The following CSNK2A1 variants were observed in gnomAD, a reference collection of about 807,000 sequenced individuals.
CSNK2A1 encodes the protein casein kinase II subunit alpha.
Under a neutral mutation model 62.9 loss-of-function variants are expected in CSNK2A1, and 10 were observed. The observed-to-expected ratio is 0.16, with a 90% CI of 0.10 to 0.27. The LOEUF is 0.27. CSNK2A1 is among the 10% of genes least tolerant of loss of function. The probability of loss-of-function intolerance (pLI) is 1.00; values close to 1 mark genes in which losing one functional copy is unlikely to be tolerated. For synonymous variants in CSNK2A1, 124 were observed against 167.8 expected, an observed-to-expected ratio of 0.74 and a Z score of 2.02; for missense variants, 160 against 492.0, an observed-to-expected ratio of 0.33 and a Z score of 6.38.
chr20:518,189 A>G (rs2018866436), intron 2 of CSNK2A1, among the ~76,000 whole-genome samples: 1 of 152,220 alleles, frequency 6.6e-6, no homozygotes, highest in Admixed American at 6.5e-5. Flanking sequence ...AGAAAATGCA[A>G]ACCCAGAGAT....
chr20:527,005 G>C (rs6116418), intron 2 of CSNK2A1: 3,258 of 61,034 alleles, frequency 0.053, 27 homozygotes, highest in East Asian at 0.23. Context: ...GACAGACAGA[G>C]AGAGAGAGAG....
intron 2 of CSNK2A1, among the ~76,000 whole-genome samples, chr20:514,591 G>A (rs774081572): frequency 6.6e-6 from 1 of 151,714 alleles, no homozygotes; most frequent in Non-Finnish European, 1.5e-5. Flanking sequence ...ATAGCTATGC[G>A]CCATCAGGCC....
chr20:537,714 T>C (rs1358031084), intron 1 of CSNK2A1, among the ~76,000 whole-genome samples: 1 of 152,192 alleles, frequency 6.6e-6, no homozygotes, highest in Admixed American at 6.5e-5. Flanking sequence ...TCAAAGAAAT[T>C]CAGGTATAAG....
At chr20:524,862 T>A (rs1276511973) in intron 2 of CSNK2A1, among the ~76,000 whole-genome samples, 1 of 151,458 alleles carries the variant, frequency 6.6e-6, no homozygotes, top group Non-Finnish European at 1.5e-5. Context: ...AGCTCAGGGG[T>A]CCCTGCACTT....
rs2018412520 is a variant in CSNK2A1 at position 499,401 on chromosome 20, G to A, written c.316-96C>T. On this transcript the variant is annotated intron_variant, in intron 5 of 13. Coordinates refer to ENST00000217244, the MANE Select transcript of CSNK2A1 (RefSeq NM_177559.3). The surrounding 1 kb of genome is among the most constrained non-coding windows in gnomAD (Gnocchi z 4.2). ...TGCGGATGCTGCGTGGTGAAATTTG[G>A]CAGTCCTCGCCTCAGTAGTAAGAAA... The A allele has an allele frequency of 1.7e-6, 2 of 1,166,774 alleles. No individual in the cohort carries two copies. Among genetic ancestry groups the A allele is most frequent in the East Asian group, 2.5e-5 (1 of 40,628 alleles). 72.3% of individuals were successfully genotyped at this position (1,166,774 alleles called of 1,614,324 possible).
At chr20:541,453 A>G (rs1322350615) in intron 1 of CSNK2A1, among the ~76,000 whole-genome samples, 1 of 152,238 alleles carries the variant, frequency 6.6e-6, no homozygotes, top group Non-Finnish European at 1.5e-5. Flanking sequence ...AGTGTGAAGT[A>G]AAGATGTATA....
intron 9 of CSNK2A1, among the ~76,000 whole-genome samples, chr20:490,335 C>CTTTTTTTTTTTTTTTTTTTTTTTT (rs907727482): frequency 1.2e-5 from 1 of 84,798 alleles, no homozygotes; most frequent in African/African-American, 5.5e-5. Flanking sequence ...CTAGTTTTTT[C>CTTTTTTTTTTTTTTTTTTTTTTTT]TTTTTTTTTT....
At chr20:528,933 C>G (rs538087704) in intron 1 of CSNK2A1, among the ~76,000 whole-genome samples, 1 of 152,344 alleles carries the variant, frequency 6.6e-6, no homozygotes, top group African/African-American at 2.4e-5. Context: ...AACTGGTGAC[C>G]ACAAACACAG....
Position 479,261 on chromosome 20 carries a change from A to T in CSNK2A1, c.*4700T>A, listed in dbSNP as rs750675208. On this transcript the variant is annotated 3_prime_UTR_variant, in exon 14 of 14. Transcript: ENST00000217244. ...AACTGTACAATTTAGAAGAGAAACC[A>T]ACATTTGGTGTAACTCTACCATATA... The T allele has an allele frequency of 6.6e-6, 1 of 152,212 alleles. No individual in the cohort carries two copies. Among genetic ancestry groups the T allele is most frequent in the Non-Finnish European group, 1.5e-5 (1 of 68,044 alleles). The allele number at this position is 152,212 out of a possible 1,614,324, so 9.4% of individuals were successfully genotyped here. A position where few individuals can be genotyped will look rare whatever the true frequency, so the allele number is the denominator to read the frequency against.
chr20:485,109 A>ATATATATATAT (rs1366439608), intron 13 of CSNK2A1, among the ~76,000 whole-genome samples: 1 of 24,666 alleles, frequency 4.1e-5, no homozygotes, highest in African/African-American at 1.4e-4. Flanking sequence ...AAAAAAAAAA[A>ATATATATATAT]ATATATATAT....
intron 1 of CSNK2A1, among the ~76,000 whole-genome samples, chr20:530,845 G>A (rs2019197946): frequency 6.6e-6 from 1 of 152,142 alleles, no homozygotes; most frequent in Admixed American, 6.6e-5. Context: ...ACCAGTTTGG[G>A]AGGCTGAGGC....
intron 6 of CSNK2A1, 93 bp from the exon 7 acceptor site, chr20:497,873 A>C: frequency 1.2e-5 from 14 of 1,133,676 alleles, no homozygotes; most frequent in Non-Finnish European, 1.8e-5. Context: ...GACTTGGCTC[A>C]TTTACCGTTG....
At chr20:535,638 C>T (rs1484627856) in intron 1 of CSNK2A1, among the ~76,000 whole-genome samples, 1 of 151,730 alleles carries the variant, frequency 6.6e-6, no homozygotes, top group African/African-American at 2.4e-5. Context: ...CACCTGTAAT[C>T]CCAGTTACTT....
In CSNK2A1 at chr20:478,092, C is replaced by T. The variant is rs548435919; in HGVS notation, c.*5869G>A. 6.6e-6 allele frequency: 1 copy of T among 152,172 alleles called. No homozygotes were observed. The highest frequency in any genetic ancestry group is 1.9e-4 in the East Asian group (1 of 5,186). 9.4% of individuals were successfully genotyped at this position (152,172 alleles called of 1,614,324 possible). On this transcript the variant is annotated 3_prime_UTR_variant, in exon 14 of 14. Transcript: ENST00000217244. The stretch of plus-strand genomic sequence containing the variant: ...CTTTTCTAATTAACATACATTTCCC[C>T]ATGGGCTTGTGTCTCACCTCTCAAT...
At chr20:484,318 T>C (rs2018020213) in intron 13 of CSNK2A1, among the ~76,000 whole-genome samples, 1 of 152,192 alleles carries the variant, frequency 6.6e-6, no homozygotes, top group African/African-American at 2.4e-5. Context: ...TTGTCCAAAG[T>C]ACACGATTAA....
chr20:505,343 C>T (rs778761977), intron 3 of CSNK2A1, 114 bp from the exon 4 acceptor site: 18 of 602,066 alleles, frequency 3.0e-5, no homozygotes, highest in Non-Finnish European at 4.7e-5. Flanking sequence ...CAAACAATTC[C>T]CAAATAGGTT....
At chr20:510,525 C>CTA (rs1292053674) in intron 2 of CSNK2A1, among the ~76,000 whole-genome samples, 1 of 152,038 alleles carries the variant, frequency 6.6e-6, no homozygotes, top group Non-Finnish European at 1.5e-5. Context: ...TAGAAGTAAA[C>CTA]AGCCATGATG....
intron 2 of CSNK2A1, among the ~76,000 whole-genome samples, chr20:513,119 T>C (rs2018758613): frequency 6.6e-6 from 1 of 152,240 alleles, no homozygotes; most frequent in African/African-American, 2.4e-5. Context: ...TTACTTTTAA[T>C]ATACTAAACT....
In CSNK2A1 at chr20:483,494, T is replaced by G. The variant is rs2017996937; in HGVS notation, c.*467A>C. On this transcript the variant is annotated 3_prime_UTR_variant, in exon 14 of 14. Transcript: ENST00000217244. ...CCCTTCCTTCTTTCCTTCCTTCCTT[T>G]CTTCCTGCCTCCCCTGAGAAGCTAC... is the stretch of plus-strand genomic sequence containing the variant. The G allele has an allele frequency of 6.6e-6, 1 of 152,604 alleles. No individual in the cohort carries two copies. The highest frequency in any genetic ancestry group is 1.5e-5 in the Non-Finnish European group (1 of 68,062). The allele number at this position is 152,604 out of a possible 1,614,324, so 9.5% of individuals were successfully genotyped here. A position where few individuals can be genotyped will look rare whatever the true frequency, so the allele number is the denominator to read the frequency against.
Sources: allele counts gnomAD v4.1 joint callset (sites outside exome capture counted in the v4.1 genomes callset), GRCh38; gene constraint gnomAD v4.1.1; non-coding constraint Gnocchi (gnomAD v3.1); transcripts MANE v1.5; gene names NCBI Gene and HGNC (gene_info 2026-07-23, HGNC 2026-07-21).